The following CFAP54 variants were observed in gnomAD, a reference collection of about 807,000 sequenced individuals.
CFAP54 encodes cilia- and flagella-associated protein 54.
A neutral mutation model predicts 370.4 loss-of-function variants in CFAP54; 290 were observed. The observed-to-expected ratio is 0.78, with a 90% CI of 0.71 to 0.86. The LOEUF is 0.86. CFAP54 is among the 40% of genes least tolerant of loss of function. The pLI is 0.00. For missense variants in CFAP54, 3,399 were observed against 3,528.7 expected (o/e 0.96, Z 0.93); for synonymous variants, 1,206 against 1,236.5 (o/e 0.98, Z 0.52).
intron 60 of CFAP54, among the ~76,000 whole-genome samples, chr12:96,775,338 A>G (rs1958506230): frequency 6.6e-6 from 1 of 152,138 alleles, no homozygotes; most frequent in Non-Finnish European, 1.5e-5. Context: ...CTGAGGCAGG[A>G]GAATCACTTG....
chr12:96,514,884 C>T (rs1277944681), intron 5 of CFAP54, among the ~76,000 whole-genome samples: 1 of 151,896 alleles, frequency 6.6e-6, no homozygotes, highest in Admixed American at 6.6e-5. Flanking sequence ...CCATGGGAAC[C>T]GATAATATTT....
chr12:96,691,914 G>A (rs537946381), intron 44 of CFAP54, among the ~76,000 whole-genome samples: 1 of 151,608 alleles, frequency 6.6e-6, no homozygotes, highest in African/African-American at 2.4e-5. Flanking sequence ...AGAATTGTTG[G>A]CCATTTTATA....
chr12:96,797,192 A>C (rs989991519), intron 63 of CFAP54, among the ~76,000 whole-genome samples: 3 of 152,096 alleles, frequency 2.0e-5, no homozygotes, highest in Non-Finnish European at 2.9e-5. Flanking sequence ...TGTGGTAATA[A>C]AAAATTTTAG....
intron 67 of CFAP54, among the ~76,000 whole-genome samples, chr12:96,868,877 C>G (rs920464506): frequency 1.3e-5 from 2 of 152,132 alleles, no homozygotes; most frequent in African/African-American, 4.8e-5. Flanking sequence ...GATAGATCAA[C>G]AGCATTTTAA....
intron 32 of CFAP54, among the ~76,000 whole-genome samples, chr12:96,640,691 G>A (rs1956716665): frequency 1.3e-5 from 2 of 152,170 alleles, no homozygotes. Context: ...CAAGGCTACA[G>A]TAACCAAAAC....
In CFAP54 at chr12:96,743,450, A is replaced by C. The variant is rs1958074676; in HGVS notation, c.7268A>C (p.Glu2423Ala). ...CLSLINEVCM[E>A]AKSAGDTELQ... ...AGCCTCATCAATGAAGTGTGTATGG[A>C]GGCAAAAAGCGCAGGGGACACGGAA... Residue 2423 changes from glutamate to alanine, a missense_variant, in exon 53 of 68, where the codon GAG becomes GCG. Coordinates refer to ENST00000524981, the MANE Select transcript of CFAP54 (RefSeq NM_001306084.2). 1 of 1,614,078 alleles carries C rather than the reference A, an allele frequency of 6.2e-7. No homozygotes were observed. Among genetic ancestry groups the C allele is most frequent in the Admixed American group, 1.7e-5 (1 of 60,018 alleles).
At chr12:96,843,492 A>T (rs902818491) in intron 66 of CFAP54, among the ~76,000 whole-genome samples, 1 of 152,216 alleles carries the variant, frequency 6.6e-6, no homozygotes, top group Admixed American at 6.5e-5. Flanking sequence ...TTGCCAGTGC[A>T]TAAGTTGTAG....
At chr12:96,779,484 A>G (rs2136688130) in intron 60 of CFAP54, among the ~76,000 whole-genome samples, 1 of 152,176 alleles carries the variant, frequency 6.6e-6, no homozygotes, top group African/African-American at 2.4e-5. Context: ...ATTTTTGTGC[A>G]CAGATGTATG....
intron 63 of CFAP54, among the ~76,000 whole-genome samples, chr12:96,806,839 A>G (rs1381088022): frequency 6.6e-6 from 1 of 152,126 alleles, no homozygotes; most frequent in Non-Finnish European, 1.5e-5. Flanking sequence ...TTTAAGGGAG[A>G]TAGGGACTGA....
At chr12:96,844,782 T>C (rs1391730861) in intron 66 of CFAP54, among the ~76,000 whole-genome samples, 1 of 152,178 alleles carries the variant, frequency 6.6e-6, no homozygotes, top group South Asian at 2.1e-4. Flanking sequence ...AACTATACTC[T>C]AAGCTCCTTC....
chr12:96,698,142 G>C (rs1293248476), intron 45 of CFAP54, among the ~76,000 whole-genome samples: 1 of 152,102 alleles, frequency 6.6e-6, no homozygotes, highest in East Asian at 1.9e-4. Context: ...CTGAAACTTA[G>C]ATAAACATGC....
intron 19 of CFAP54, chr12:96,572,982 G>A: frequency 4.1e-6 from 4 of 985,386 alleles, no homozygotes; most frequent in Non-Finnish European, 4.8e-6. Context: ...ACTGAATCAG[G>A]AACTACCAAG....
At chr12:96,684,418 C>T (rs903958619) in intron 40 of CFAP54, among the ~76,000 whole-genome samples, 1 of 152,136 alleles carries the variant, frequency 6.6e-6, no homozygotes, top group African/African-American at 2.4e-5. Context: ...CCCATGATGC[C>T]CCATTATTAC....
At chr12:96,859,466 C>T (rs1192272079) in intron 66 of CFAP54, among the ~76,000 whole-genome samples, 6 of 151,954 alleles carry the variant, frequency 3.9e-5, no homozygotes, top group Admixed American at 3.9e-4. Flanking sequence ...AGAGCAATGG[C>T]ATGATCTTGG....
At chr12:96,781,107 A>G (rs1958576000) in intron 60 of CFAP54, among the ~76,000 whole-genome samples, 1 of 152,164 alleles carries the variant, frequency 6.6e-6, no homozygotes, top group African/African-American at 2.4e-5. Flanking sequence ...GCTATGCAGT[A>G]GTCTAGAAAT....
At chr12:96,778,802 T>C (rs1235000668) in intron 60 of CFAP54, among the ~76,000 whole-genome samples, 1 of 152,112 alleles carries the variant, frequency 6.6e-6, no homozygotes, top group Non-Finnish European at 1.5e-5. Context: ...TTATAAAATA[T>C]ATACAGAAAA....
In CFAP54 at chr12:96,720,372, G is replaced by T; in HGVS notation, c.6805-33G>T. 2.9e-6 allele frequency: 4 copies of T among 1,359,780 alleles called. No individual in the cohort carries two copies. The South Asian group carries it at 6.4e-5, about 22-fold the overall frequency. 84.2% of individuals were successfully genotyped at this position (1,359,780 alleles called of 1,614,324 possible). ...AAGAGACAGTATTTGTATTATTTCT[G>T]AACTCACGTGATGTATGGTATCCTT... is the stretch of plus-strand genomic sequence containing the variant. On this transcript the variant is annotated intron_variant, in intron 49 of 67. Transcript: ENST00000524981.
At chr12:96,729,173 C>T (rs1469246388) in intron 50 of CFAP54, among the ~76,000 whole-genome samples, 1 of 152,178 alleles carries the variant, frequency 6.6e-6, no homozygotes, top group Non-Finnish European at 1.5e-5. Flanking sequence ...CTCAGATCTC[C>T]AGCTGCGTGC....
intron 26 of CFAP54, among the ~76,000 whole-genome samples, chr12:96,610,759 G>T (rs1386599454): frequency 6.6e-6 from 1 of 152,230 alleles, no homozygotes; most frequent in East Asian, 1.9e-4. Flanking sequence ...ATGGCTCAGA[G>T]GGTCCCACGG....
Sources: gnomAD v4.1 joint callset for allele counts (sites outside exome capture counted in the v4.1 genomes callset) on GRCh38, gnomAD v4.1.1 for gene constraint, MANE v1.5 for transcripts, NCBI Gene and HGNC (gene_info 2026-07-23, HGNC 2026-07-21) for gene names.